NFIC: variants seen among roughly 807,000 people sequenced by gnomAD.
NFIC encodes nuclear factor I C.
NFIC carries 12 observed loss-of-function variants against 54.4 expected under a neutral mutation model. The ratio of observed to expected loss-of-function variants is 0.22; its 90% CI spans 0.14 to 0.36. NFIC has a LOEUF of 0.36. NFIC is among the 10% of genes least tolerant of loss of function. The pLI, the probability that NFIC is intolerant of heterozygous loss-of-function variation, is 1.00. For synonymous variants in NFIC, 322 were observed against 319.2 expected, an observed-to-expected ratio of 1.01 and a Z score of -0.09; for missense variants, 575 against 718.2, an observed-to-expected ratio of 0.80 and a Z score of 2.28.
At chr19:3,430,159 G>T (rs2082098676) in intron 3 of NFIC, among the ~76,000 whole-genome samples, 1 of 151,898 alleles carries the variant, frequency 6.6e-6, no homozygotes, top group Non-Finnish European at 1.5e-5. Context: ...TGTGCATGAT[G>T]TACAATGCAT....
At chr19:3,427,838 GAAGAAAGAAGGA>G (rs2082051189) in intron 3 of NFIC, among the ~76,000 whole-genome samples, 1 of 140,720 alleles carries the variant, frequency 7.1e-6, no homozygotes, top group Non-Finnish European at 1.5e-5. Context: ...AAAAGAAGAA[GAAGAAAGAAGGA>G]AAGAAAGAAA....
chr19:3,390,933 G>A (rs1033390749), intron 2 of NFIC, among the ~76,000 whole-genome samples: 16 of 152,108 alleles, frequency 1.1e-4, no homozygotes, highest in African/African-American at 3.9e-4. Flanking sequence ...AGGTTCTGGA[G>A]AGGATGGTGG....
At chr19:3,428,652 G>A (rs565886871) in intron 3 of NFIC, among the ~76,000 whole-genome samples, 2 of 152,078 alleles carry the variant, frequency 1.3e-5, no homozygotes, top group Admixed American at 6.6e-5. Flanking sequence ...ATCCCCAGAC[G>A]CCTCTCTCCA....
At chr19:3,405,547 A>G (rs1211351958) in intron 2 of NFIC, among the ~76,000 whole-genome samples, 2 of 152,112 alleles carry the variant, frequency 1.3e-5, no homozygotes, top group Admixed American at 1.3e-4. Flanking sequence ...TCTATGGAGG[A>G]TCAGGGTCCG....
intron 2 of NFIC, among the ~76,000 whole-genome samples, chr19:3,383,164 C>T (rs1004436255): frequency 2.0e-5 from 3 of 152,020 alleles, no homozygotes; most frequent in African/African-American, 7.3e-5. Flanking sequence ...GTCCTGGCAC[C>T]GCTTTCTGTG....
chr19:3,365,139 C>T (rs747411957), upstream of NFIC, among the ~76,000 whole-genome samples: 3 of 152,170 alleles, frequency 2.0e-5, no homozygotes, highest in South Asian at 2.1e-4. Flanking sequence ...AAGTGGCTTC[C>T]GTTCTCTGGG....
intron 1 of NFIC, among the ~76,000 whole-genome samples, chr19:3,380,102 G>A (rs1241538541): frequency 3.3e-5 from 5 of 151,576 alleles, no homozygotes; most frequent in Non-Finnish European, 5.9e-5. Context: ...CCGGGTTCAT[G>A]CCAATCTCCT....
rs542268954 is a variant in NFIC, at chr19:3,431,814, G to A, written c.635-1704G>A. 1.3e-4 allele frequency among the ~76,000 whole-genome samples: 20 copies of A among 152,260 alleles called. No individual in the cohort carries two copies. The South Asian group carries it at 2.1e-3, about 16-fold the overall frequency. ...CCACCACGCCCGGCATCCTTTTCAC[G>A]GCTGAGTCCTATTCCAGTGTGTGGC... is the stretch of plus-strand genomic sequence containing the variant. On this transcript the variant is annotated intron_variant, in intron 3 of 10. Coordinates refer to ENST00000443272, the MANE Select transcript of NFIC (RefSeq NM_001245002.2).
At chr19:3,438,129 T>TA (rs139592152) in intron 6 of NFIC, among the ~76,000 whole-genome samples, 86 of 152,272 alleles carry the variant, frequency 5.6e-4, no homozygotes, top group African/African-American at 1.9e-3. Flanking sequence ...GTCTATTTAT[T>TA]AGGAGAGGAG....
At chr19:3,421,676 G>A (rs2081956230) in intron 2 of NFIC, among the ~76,000 whole-genome samples, 3 of 152,240 alleles carry the variant, frequency 2.0e-5, no homozygotes, top group Non-Finnish European at 2.9e-5. Context: ...CTGGACACAC[G>A]GTGTGTGCAT....
intron 2 of NFIC, among the ~76,000 whole-genome samples, chr19:3,410,307 G>A (rs1348141568): frequency 1.3e-5 from 2 of 152,184 alleles, no homozygotes; most frequent in African/African-American, 2.4e-5. Flanking sequence ...GCATGTGTGT[G>A]GTCATCCATG....
chr19:3,380,091 C>G (rs1214951793), intron 1 of NFIC, among the ~76,000 whole-genome samples: 7 of 151,878 alleles, frequency 4.6e-5, no homozygotes, highest in African/African-American at 1.7e-4. Context: ...AGCTCCGCCT[C>G]CCGGGTTCAT....
At chr19:3,425,401 C>T (rs1171991502) in intron 3 of NFIC, among the ~76,000 whole-genome samples, 2 of 152,180 alleles carry the variant, frequency 1.3e-5, no homozygotes, top group Admixed American at 6.5e-5. Flanking sequence ...TGGGAGACCC[C>T]AGAGGGTTCT....
intron 1 of NFIC, among the ~76,000 whole-genome samples, chr19:3,380,891 C>T (rs1249535274): frequency 6.6e-6 from 1 of 151,972 alleles, no homozygotes; most frequent in Non-Finnish European, 1.5e-5. Context: ...TGGGCTCAAG[C>T]AGTCCTCCCT....
chr19:3,386,633 A>G (rs1375783627), intron 2 of NFIC, among the ~76,000 whole-genome samples: 1 of 151,430 alleles, frequency 6.6e-6, no homozygotes, highest in Non-Finnish European at 1.5e-5. Flanking sequence ...TGTTGTACGC[A>G]TTTTACAGAG....
chr19:3,380,194 C>CG (rs2081180103), intron 1 of NFIC, among the ~76,000 whole-genome samples: 1 of 147,066 alleles, frequency 6.8e-6, no homozygotes, highest in Non-Finnish European at 1.5e-5. Context: ...TCAGTAGAGA[C>CG]GGGGTTTCAC....
In NFIC at chr19:3,390,743, A is replaced by C. The variant is rs562475788; in HGVS notation, c.562+8500A>C. On this transcript the variant is annotated intron_variant, in intron 2 of 10. Coordinates refer to ENST00000443272, the MANE Select transcript of NFIC (RefSeq NM_001245002.2). Reference sequence around the variant, plus strand: ...AATGTGGATGCATCTTGAGGATGTCACACTCAGTAAAATAAGCCAGACACA... The same window carrying C: ...AATGTGGATGCATCTTGAGGATGTCCCACTCAGTAAAATAAGCCAGACACA... Among the ~76,000 whole-genome samples the C allele has an allele frequency of 1.2e-3, 182 of 152,292 alleles. 2 individuals are homozygous for C. The highest frequency in any genetic ancestry group is 4.3e-3 in the African/African-American group (177 of 41,566).
intron 2 of NFIC, among the ~76,000 whole-genome samples, chr19:3,421,660 T>A (rs762796961): frequency 2.0e-5 from 3 of 152,236 alleles, no homozygotes; most frequent in Admixed American, 6.5e-5. Context: ...TGGCAATCAG[T>A]GGGTGCTGGA....
rs1193446756 is a variant in NFIC at position 3,423,674 on chromosome 19, T to TGCCTGCGCGTCTGCCA, written c.563-1431_563-1416dup. On this transcript the variant is annotated intron_variant, in intron 2 of 10. Coordinates refer to ENST00000443272, the MANE Select transcript of NFIC (RefSeq NM_001245002.2). ...GATAACGCTGAGCTCAGCGTCTGTCTGCCTGCGCGTCTGCCAAGGAACCTA... is the reference window on the plus strand; with the variant it reads ...GATAACGCTGAGCTCAGCGTCTGTCTGCCTGCGCGTCTGCCAGCCTGCGCGTCTGCCAAGGAACCTA... Among the ~76,000 whole-genome samples, 219 of 152,188 alleles carry TGCCTGCGCGTCTGCCA rather than the reference T, an allele frequency of 1.4e-3. 1 individual carries two copies. The highest frequency in any genetic ancestry group is 4.9e-3 in the African/African-American group (205 of 41,528).
Sources: allele counts gnomAD v4.1 joint callset (sites outside exome capture counted in the v4.1 genomes callset), GRCh38; gene constraint gnomAD v4.1.1; transcripts MANE v1.5; gene names NCBI Gene and HGNC (gene_info 2026-07-23, HGNC 2026-07-21).